The following PDIA5 variants were observed in gnomAD, a reference collection of about 807,000 sequenced individuals.
The protein encoded by PDIA5 is protein disulfide isomerase family A member 5.
A neutral mutation model predicts 77.6 loss-of-function variants in PDIA5; 58 were observed. The ratio of observed to expected loss-of-function variants is 0.75; its 90% CI spans 0.61 to 0.93. PDIA5 has a LOEUF of 0.93. PDIA5 is among the 40% of genes least tolerant of loss of function. PDIA5 has a pLI of 0.00. For missense variants in PDIA5, 630 were observed against 647.7 expected, an observed-to-expected ratio of 0.97 and a Z score of 0.30; for synonymous variants, 250 against 252.1, an observed-to-expected ratio of 0.99 and a Z score of 0.08.
chr3:123,156,797 C>T (rs1936028669), intron 15 of PDIA5, among the ~76,000 whole-genome samples: 1 of 144,994 alleles, frequency 6.9e-6, no homozygotes, highest in African/African-American at 2.7e-5. Context: ...GCTGAGGCAC[C>T]GAGGGGGCTG....
intron 15 of PDIA5, among the ~76,000 whole-genome samples, chr3:123,160,511 T>G (rs903709211): frequency 2.6e-5 from 4 of 152,224 alleles, no homozygotes; most frequent in African/African-American, 9.6e-5. Flanking sequence ...TTGGCTCAGA[T>G]GGCGAATCAT....
At position 123,109,497 on chromosome 3, in the gene PDIA5, T is replaced by G. The variant is rs141552407; in HGVS notation, c.481-1447T>G. Among the ~76,000 whole-genome samples the G allele has an allele frequency of 6.3e-3, 957 of 152,276 alleles. 6 individuals are homozygous for G. The highest frequency in any genetic ancestry group is 0.022 in the African/African-American group (916 of 41,572). Reference sequence around the variant, plus strand: ...GGTTACTAATTTTGTTTGGAAATTATTTCAAACAAAATTTGTTTGAAAATT... The same window carrying G: ...GGTTACTAATTTTGTTTGGAAATTAGTTCAAACAAAATTTGTTTGAAAATT... On this transcript the variant is annotated intron_variant, in intron 6 of 16. Coordinates refer to ENST00000316218, the MANE Select transcript of PDIA5 (RefSeq NM_006810.4).
chr3:123,133,787 C>A (rs541153209), intron 11 of PDIA5, among the ~76,000 whole-genome samples: 1 of 152,166 alleles, frequency 6.6e-6, no homozygotes, highest in Non-Finnish European at 1.5e-5. Context: ...CCCCAACAAA[C>A]CGAAATAGTG....
At chr3:123,095,525 G>A (rs903547258) in intron 3 of PDIA5, among the ~76,000 whole-genome samples, 7 of 152,034 alleles carry the variant, frequency 4.6e-5, no homozygotes, top group East Asian at 1.9e-4. Context: ...CAAGGCAGGC[G>A]GATTACCTGA....
At chr3:123,084,474 G>T (rs1290796581) in intron 1 of PDIA5, among the ~76,000 whole-genome samples, 2 of 151,868 alleles carry the variant, frequency 1.3e-5, no homozygotes, top group African/African-American at 4.8e-5. Flanking sequence ...TCTTGGTCCT[G>T]CCTCCTCCCT....
At chr3:123,106,932 G>T in intron 6 of PDIA5, 91 bp downstream of exon 6, 1 of 845,838 alleles carries the variant, frequency 1.2e-6, no homozygotes, top group Non-Finnish European at 2.0e-6. Context: ...ACTGAGAAAT[G>T]GGACTATTCC....
intron 1 of PDIA5, among the ~76,000 whole-genome samples, chr3:123,084,522 G>T (rs770253684): frequency 4.7e-4 from 71 of 151,936 alleles, no homozygotes; most frequent in Non-Finnish European, 1.0e-3. Context: ...TCTGAGCCCG[G>T]TCCGTGGGGA....
chr3:123,092,016 G>A (rs568509218), intron 2 of PDIA5, among the ~76,000 whole-genome samples: 2 of 152,332 alleles, frequency 1.3e-5, no homozygotes, highest in African/African-American at 4.8e-5. Context: ...AGAAAGACAT[G>A]AGTCGGAGAC....
chr3:123,142,302 G>T (rs1436122177), intron 11 of PDIA5, among the ~76,000 whole-genome samples: 2 of 152,232 alleles, frequency 1.3e-5, no homozygotes, highest in Non-Finnish European at 2.9e-5. Context: ...TATTAAATGG[G>T]CTTTTGCGGT....
chr3:123,121,597 G>A (rs867563370), intron 8 of PDIA5, among the ~76,000 whole-genome samples: 14 of 152,298 alleles, frequency 9.2e-5, no homozygotes, highest in African/African-American at 2.4e-4. Flanking sequence ...GCCCAGAGAC[G>A]TGAGGTTTGA....
intron 10 of PDIA5, among the ~76,000 whole-genome samples, chr3:123,130,019 C>A (rs1215817814): frequency 6.6e-6 from 1 of 152,204 alleles, no homozygotes; most frequent in Non-Finnish European, 1.5e-5. Flanking sequence ...CTCCTCCTCA[C>A]CCCCTCCTCT....
intron 1 of PDIA5, among the ~76,000 whole-genome samples, chr3:123,086,133 A>G (rs1386635365): frequency 6.6e-6 from 1 of 152,180 alleles, no homozygotes; most frequent in African/African-American, 2.4e-5. Context: ...ATGGCAGATT[A>G]TATTTAGAAA....
intron 7 of PDIA5, among the ~76,000 whole-genome samples, chr3:123,115,146 G>T (rs1934966464): frequency 6.6e-6 from 1 of 152,196 alleles, no homozygotes; most frequent in Non-Finnish European, 1.5e-5. Flanking sequence ...CCTGACACAT[G>T]GTTCCAGGCA....
At position 123,124,292 on chromosome 3, in the gene PDIA5, A is replaced by G; in HGVS notation, c.722A>G (p.Gln241Arg). 1.2e-6 allele frequency: 2 copies of G among 1,613,628 alleles called. No homozygotes were observed. Among genetic ancestry groups the G allele is most frequent in the Non-Finnish European group, 1.7e-6 (2 of 1,179,506 alleles). ...CACAGGAAAGGACGGTTCTTGTTCC[A>G]GTATGACAACTATGGGTCCACAGCT... ...CYFEKGRFLF[Q>R]YDNYGSTAED... Residue 241 changes from glutamine (Q) to arginine (R), a missense_variant, in exon 10 of 17, where the codon CAG (glutamine) becomes CGG (arginine). Transcript: ENST00000316218.
At chr3:123,085,248 T>TG (rs927167999) in intron 1 of PDIA5, among the ~76,000 whole-genome samples, 1 of 152,140 alleles carries the variant, frequency 6.6e-6, no homozygotes, top group Non-Finnish European at 1.5e-5. Flanking sequence ...AGGCCTTGTG[T>TG]GGGGGCCCTG....
At chr3:123,122,368 C>T (rs948904996) in intron 8 of PDIA5, among the ~76,000 whole-genome samples, 6 of 152,198 alleles carry the variant, frequency 3.9e-5, no homozygotes, top group Middle Eastern at 3.4e-3. Context: ...TTTTATAGAG[C>T]GTTCCAGGGC....
At chr3:123,151,283 G>T (rs577057298) in intron 14 of PDIA5, among the ~76,000 whole-genome samples, 1 of 152,212 alleles carries the variant, frequency 6.6e-6, no homozygotes, top group Non-Finnish European at 1.5e-5. Context: ...CAGAGCTTCC[G>T]GCTGTCCTCT....
intron 1 of PDIA5, among the ~76,000 whole-genome samples, chr3:123,084,825 A>T (rs545242854): frequency 6.6e-6 from 1 of 151,972 alleles, no homozygotes; most frequent in African/African-American, 2.4e-5. Context: ...GTGTCTCTCC[A>T]CGCGGGCAGC....
rs539686036 is a variant in PDIA5, at chr3:123,072,996, G to A, written c.42+5790G>A. Among the ~76,000 whole-genome samples, 16 of 151,960 alleles carry A rather than the reference G, an allele frequency of 1.1e-4. No homozygotes were observed. In the East Asian group the frequency reaches 3.1e-3, roughly 29 times the overall value. ...GCATCTTAGGTCCCAACGGGAGAGGGAAGGAGCAGGAGTGCTCAGCCCTGG... is the reference window on the plus strand; with the variant it reads ...GCATCTTAGGTCCCAACGGGAGAGGAAAGGAGCAGGAGTGCTCAGCCCTGG... On this transcript the variant is annotated intron_variant, in intron 1 of 16. Coordinates refer to ENST00000316218, the MANE Select transcript of PDIA5 (RefSeq NM_006810.4).
Sources: allele counts gnomAD v4.1 joint callset (sites outside exome capture counted in the v4.1 genomes callset), GRCh38; gene constraint gnomAD v4.1.1; transcripts MANE v1.5; gene names NCBI Gene and HGNC (gene_info 2026-07-23, HGNC 2026-07-21).